Variants in ONECUT1 observed in about 807,000 individuals in gnomAD.
ONECUT1 encodes the protein one cut homeobox 1.
In ONECUT1, 12 loss-of-function variants were observed where a neutral mutation model predicts 25.6. The ratio of observed to expected loss-of-function variants is 0.47; its 90% CI spans 0.30 to 0.76. The LOEUF (loss-of-function observed/expected upper bound fraction) is 0.76. ONECUT1 is among the 30% of genes least tolerant of loss of function. The pLI, the probability that ONECUT1 is intolerant of heterozygous loss-of-function variation, is 0.07. For synonymous variants in ONECUT1, 285 were observed against 270.2 expected, an observed-to-expected ratio of 1.05 and a Z score of -0.54; for missense variants, 620 against 651.2, an observed-to-expected ratio of 0.95 and a Z score of 0.52.
intron 1 of ONECUT1, among the ~76,000 whole-genome samples, chr15:52,759,815 C>T (rs1464572272): frequency 2.0e-5 from 3 of 151,308 alleles, no homozygotes; most frequent in Non-Finnish European, 4.4e-5. Flanking sequence ...CACCATGTTT[C>T]CTAGGCTGGT....
At chr15:52,785,511 C>G (rs113948177) in intron 1 of ONECUT1, among the ~76,000 whole-genome samples, 1 of 152,212 alleles carries the variant, frequency 6.6e-6, no homozygotes, top group Non-Finnish European at 1.5e-5. Flanking sequence ...GAACCTCGGG[C>G]CTGCGCGCCG....
intron 1 of ONECUT1, chr15:52,787,647 G>A (rs970242043): frequency 6.6e-6 from 1 of 150,488 alleles, no homozygotes; most frequent in Non-Finnish European, 1.5e-5. Flanking sequence ...GGGGGAGTGG[G>A]GGGGGAGGGG....
Position 52,785,296 on chromosome 15 carries a change from C to T in ONECUT1, c.1105+3484G>A, listed in dbSNP as rs545026484. ...GCCGCAAGGCCACTCAGGGCAAACA[C>T]AGCCCAGGTTGGGCTGGGCGAGACT... is the stretch of plus-strand genomic sequence containing the variant. On this transcript the variant is annotated intron_variant, in intron 1 of 1. Transcript: ENST00000305901. Among the ~76,000 whole-genome samples the T allele has an allele frequency of 2.0e-5, 3 of 152,394 alleles. 1 individual carries two copies. The highest frequency in any genetic ancestry group is 4.1e-4 in the South Asian group (2 of 4,832).
chr15:52,757,641 T>G lies in ONECUT1; in HGVS notation c.1312A>C (p.Arg438=), dbSNP rs2083681239. The G allele has an allele frequency of 3.1e-6, 5 of 1,614,156 alleles. No individual in the cohort carries two copies. The East Asian group carries it at 1.1e-4, about 36-fold the overall frequency. Residue 438 remains arginine, a synonymous_variant, in exon 2 of 2, where the codon AGG becomes CGG. Transcript: ENST00000305901. Reference sequence around the variant, plus strand: ...TCCTGCCACTTGTCCAGACTCCTCCTTCTTGCGTTCATGAAGAAGTTGCTG... The same window carrying G: ...TCCTGCCACTTGTCCAGACTCCTCCGTCTTGCGTTCATGAAGAAGTTGCTG... The part of the protein sequence containing the change: ...TVSNFFMNAR[R]RSLDKWQDEG...
At position 52,790,093 on chromosome 15, in the gene ONECUT1, T is replaced by G; in HGVS notation, c.-209A>C. On this transcript the variant is annotated 5_prime_UTR_variant, in exon 1 of 2. Coordinates refer to ENST00000305901, the MANE Select transcript of ONECUT1 (RefSeq NM_004498.4). ...TGTGTGTGTGTGTGTGTGTCTCGCC[T>G]TCCCTCTTACCCCCCACCTTCCCCT... is the stretch of plus-strand genomic sequence containing the variant. 1 of 636,908 alleles carries G rather than the reference T, an allele frequency of 1.6e-6. No homozygotes were observed. Among genetic ancestry groups the G allele is most frequent in the Middle Eastern group, 4.8e-4 (1 of 2,078 alleles). The allele number at this position is 636,908 out of a possible 1,614,324, so 39.5% of individuals were successfully genotyped here.
chr15:52,789,294 G>A lies in ONECUT1; in HGVS notation c.591C>T (p.Leu197=). ...CGGCCCCCGGGTGGGCATAGTGGGGGAGCCCTTGCTGGGAGTTGTGGATGC... is the reference window on the plus strand; with the variant it reads ...CGGCCCCCGGGTGGGCATAGTGGGGAAGCCCTTGCTGGGAGTTGTGGATGC... ...LGSIHNSQQG[L]PHYAHPGAAM... The change falls in exon 1 of 2, where the codon CTC becomes CTT. Residue 197 remains leucine, a synonymous_variant. Transcript: ENST00000305901. The surrounding 1 kb of genome is among the most constrained non-coding windows in gnomAD (Gnocchi z 4.1). 3 of 1,558,294 alleles carry A rather than the reference G, an allele frequency of 1.9e-6. No homozygotes were observed. Among genetic ancestry groups the A allele is most frequent in the Non-Finnish European group, 1.7e-6 (2 of 1,150,658 alleles).
intron 1 of ONECUT1, among the ~76,000 whole-genome samples, chr15:52,773,363 A>T (rs1037006894): frequency 6.6e-6 from 1 of 152,094 alleles, no homozygotes; most frequent in Non-Finnish European, 1.5e-5. Flanking sequence ...TTGCAATTGG[A>T]GGTGGAGGTA....
intron 1 of ONECUT1, among the ~76,000 whole-genome samples, chr15:52,772,545 T>C (rs1382794441): frequency 2.6e-5 from 4 of 152,176 alleles, no homozygotes; most frequent in African/African-American, 9.7e-5. Flanking sequence ...TTAGCGCTAA[T>C]TGACAGGGCC....
chr15:52,780,191 C>G (rs536694960), intron 1 of ONECUT1, among the ~76,000 whole-genome samples: 2 of 152,252 alleles, frequency 1.3e-5, no homozygotes, highest in East Asian at 3.9e-4. Flanking sequence ...TTTTTAATGT[C>G]AGGATGAAAC....
At chr15:52,763,077 G>A (rs1308045176) in intron 1 of ONECUT1, among the ~76,000 whole-genome samples, 1 of 152,210 alleles carries the variant, frequency 6.6e-6, no homozygotes, top group East Asian at 1.9e-4. Flanking sequence ...ATATTTTTAT[G>A]TAGGGGTACA....
At chr15:52,759,521 T>G (rs2083693212) in intron 1 of ONECUT1, among the ~76,000 whole-genome samples, 2 of 152,242 alleles carry the variant, frequency 1.3e-5, no homozygotes, top group South Asian at 4.1e-4. Context: ...TGAGTGTATA[T>G]TCCCTTATAT....
chr15:52,766,190 T>C (rs1011306315), intron 1 of ONECUT1, among the ~76,000 whole-genome samples: 1 of 152,078 alleles, frequency 6.6e-6, no homozygotes, highest in Admixed American at 6.5e-5. Flanking sequence ...AACCTTATCA[T>C]GTGATCCCCA....
At chr15:52,774,140 C>CACAG (rs1211826906) in intron 1 of ONECUT1, among the ~76,000 whole-genome samples, 2 of 151,622 alleles carry the variant, frequency 1.3e-5, no homozygotes, top group East Asian at 3.9e-4. Context: ...CACACACACA[C>CACAG]ACACACACAC....
intron 1 of ONECUT1, among the ~76,000 whole-genome samples, chr15:52,761,233 A>C (rs750388441): frequency 6.6e-6 from 1 of 151,140 alleles, no homozygotes; most frequent in Non-Finnish European, 1.5e-5. Flanking sequence ...TTGTTGTTCA[A>C]CTCCTCCTTC....
At chr15:52,777,269 C>T (rs1289272657) in intron 1 of ONECUT1, among the ~76,000 whole-genome samples, 1 of 152,148 alleles carries the variant, frequency 6.6e-6, no homozygotes, top group African/African-American at 2.4e-5. Flanking sequence ...GTCATCTACC[C>T]TTAAATTCTC....
At chr15:52,761,267 A>G (rs2083704353) in intron 1 of ONECUT1, among the ~76,000 whole-genome samples, 1 of 151,756 alleles carries the variant, frequency 6.6e-6, no homozygotes, top group Non-Finnish European at 1.5e-5. Flanking sequence ...TTCCTTCACC[A>G]CCCCCAGGGG....
chr15:52,757,373 G>T lies in ONECUT1; in HGVS notation c.*182C>A. The T allele has an allele frequency of 1.5e-6, 1 of 651,134 alleles. No individual in the cohort carries two copies. Among genetic ancestry groups the T allele is most frequent in the Non-Finnish European group, 2.5e-6 (1 of 396,876 alleles). The allele number at this position is 651,134 out of a possible 1,614,324, so 40.3% of individuals were successfully genotyped here. ...CCAAGTCGCCGCCCTGCTGAAGTGTGTGTCTCCAAACAAAGTCAGAATGCA... is the reference window on the plus strand; with the variant it reads ...CCAAGTCGCCGCCCTGCTGAAGTGTTTGTCTCCAAACAAAGTCAGAATGCA... On this transcript the variant is annotated 3_prime_UTR_variant, in exon 2 of 2. Transcript: ENST00000305901.
intron 1 of ONECUT1, among the ~76,000 whole-genome samples, chr15:52,763,231 G>T (rs993624117): frequency 5.3e-5 from 8 of 152,136 alleles, no homozygotes; most frequent in South Asian, 2.1e-4. Context: ...AGCTCTATAG[G>T]ATTCACTGGC....
At chr15:52,777,300 C>T (rs1025175353) in intron 1 of ONECUT1, among the ~76,000 whole-genome samples, 1 of 152,032 alleles carries the variant, frequency 6.6e-6, no homozygotes. Flanking sequence ...TTCTAATTTG[C>T]CACTTGAATT....
Sources: gnomAD v4.1 joint callset for allele counts (sites outside exome capture counted in the v4.1 genomes callset) on GRCh38, gnomAD v4.1.1 for gene constraint, Gnocchi (gnomAD v3.1) non-coding constraint, MANE v1.5 for transcripts, NCBI Gene and HGNC (gene_info 2026-07-23, HGNC 2026-07-21) for gene names.